The following REXO5 variants were observed in gnomAD, a reference collection of about 807,000 sequenced individuals.
REXO5 encodes RNA exonuclease 5, also known as exonuclease NEF-sp.
A neutral mutation model predicts 88.5 loss-of-function variants in REXO5; 48 were observed. The ratio of observed to expected loss-of-function variants is 0.54; its 90% CI spans 0.43 to 0.69. REXO5 has a LOEUF of 0.69. REXO5 is among the 30% of genes least tolerant of loss of function. The probability of loss-of-function intolerance (pLI) is 0.00; values close to 1 mark genes in which losing one functional copy is unlikely to be tolerated. For synonymous variants in REXO5, 311 were observed against 336.5 expected (o/e 0.92, Z 0.83); for missense variants, 749 against 912.2 (o/e 0.82, Z 2.30).
Position 20,848,705 on chromosome 16 carries a change from C to T in REXO5, c.2244-694C>T, listed in dbSNP as rs534745643. On this transcript the variant is annotated intron_variant, in intron 19 of 19. Transcript: ENST00000261377. ...GACCCAGTTCCATGAATATTCATTA[C>T]AAGGTGGCAGGGAACTAACAAGTAT... Among the ~76,000 whole-genome samples, 5 of 152,334 alleles carry T rather than the reference C, an allele frequency of 3.3e-5. No individual in the cohort carries two copies. In the South Asian group the frequency reaches 1.0e-3, roughly 32 times the overall value.
chr16:20,825,960 C>T lies in REXO5; in HGVS notation c.821+12C>T, dbSNP rs1376369121. The stretch of plus-strand genomic sequence containing the variant: ...GACTACCTCACCAGGTATTTTTCAC[C>T]TTGCCTGCAGCTCTTCTAAGAGCTA... On this transcript the variant is annotated intron_variant, in intron 8 of 19. Transcript: ENST00000261377. The T allele has an allele frequency of 6.4e-7, 1 of 1,556,834 alleles. No homozygotes were observed. Among genetic ancestry groups the T allele is most frequent in the African/African-American group, 1.4e-5 (1 of 73,942 alleles).
At chr16:20,847,238 T>C (rs1035464120) in intron 19 of REXO5, among the ~76,000 whole-genome samples, 50 of 142,438 alleles carry the variant, frequency 3.5e-4, no homozygotes, top group African/African-American at 1.3e-3. Flanking sequence ...GACAAGACCC[T>C]GTCTCTACCA....
chr16:20,847,436 C>CAAAAAAA (rs550642998), intron 19 of REXO5, among the ~76,000 whole-genome samples: 1 of 80,568 alleles, frequency 1.2e-5, no homozygotes, highest in African/African-American at 5.2e-5. Context: ...ACTCTTATCT[C>CAAAAAAA]AAAAAAAAAA....
Position 20,833,100 on chromosome 16 carries a change from A to G in REXO5, c.1360A>G (p.Ile454Val). Residue 454 changes from isoleucine (I) to valine (V), a missense_variant, in exon 13 of 20, where the codon ATT becomes GTT. Coordinates refer to ENST00000261377, the MANE Select transcript of REXO5 (RefSeq NM_030941.3). ...TCCATCTTCCAGAAATTGTCAAACT[A>G]TTAAGTGTCTTTCAAATAAAGAGGT... is the stretch of plus-strand genomic sequence containing the variant. The part of the protein sequence containing the change: ...ELPSSRNCQT[I>V]KCLSNKEVLE... 6.2e-7 allele frequency: 1 copy of G among 1,613,486 alleles called. No individual in the cohort carries two copies. Among genetic ancestry groups the G allele is most frequent in the Non-Finnish European group, 8.5e-7 (1 of 1,179,504 alleles).
rs759851294 is a variant in REXO5, at chr16:20,839,829, A to G, written c.1458A>G (p.Ser486=). The G allele has an allele frequency of 1.2e-6, 2 of 1,613,196 alleles. No individual in the cohort carries two copies. Among genetic ancestry groups the G allele is most frequent in the East Asian group, 2.2e-5 (1 of 44,852 alleles). The change falls in exon 14 of 20, where the codon TCA becomes TCG. Residue 486 remains serine (S), a synonymous_variant. Coordinates refer to ENST00000261377, the MANE Select transcript of REXO5 (RefSeq NM_030941.3). The part of the protein sequence containing the change: ...SIVQFSFKAF[S]PVLTEEMNKR... ...TTCAGTTCTCTTTTAAGGCCTTTTC[A>G]CCTGTCCTCACTGAGGAGATGAACA...
intron 13 of REXO5, among the ~76,000 whole-genome samples, chr16:20,838,783 G>A (rs2081478912): frequency 6.6e-6 from 1 of 152,144 alleles, no homozygotes; most frequent in Non-Finnish European, 1.5e-5. Context: ...CCCTCAGACA[G>A]CCCCCACAGT....
At chr16:20,848,843 A>G (rs1313609974) in intron 19 of REXO5, among the ~76,000 whole-genome samples, 4 of 152,282 alleles carry the variant, frequency 2.6e-5, no homozygotes, top group Admixed American at 2.6e-4. Context: ...CAGGTGCTAC[A>G]AAAGTATGGA....
chr16:20,815,103 G>C, intron 4 of REXO5, 50 bp downstream of exon 4: 1 of 1,578,132 alleles, frequency 6.3e-7, no homozygotes, highest in Non-Finnish European at 8.6e-7. Context: ...TTCCCATTCT[G>C]AGACTAATAC....
chr16:20,824,696 A>G (rs2081235280), intron 7 of REXO5, among the ~76,000 whole-genome samples, 169 bp downstream of exon 7: 1 of 152,164 alleles, frequency 6.6e-6, no homozygotes, highest in Admixed American at 6.5e-5. Context: ...TTAGATCTGT[A>G]TTCCAGGATA....
chr16:20,841,954 C>A (rs372650051), intron 15 of REXO5, among the ~76,000 whole-genome samples: 4 of 152,268 alleles, frequency 2.6e-5, no homozygotes, highest in African/African-American at 9.6e-5. Context: ...AAGATTGTCC[C>A]TGAGAAGATG....
chr16:20,820,349 A>G (rs2081150300), intron 5 of REXO5, among the ~76,000 whole-genome samples: 2 of 151,060 alleles, frequency 1.3e-5, no homozygotes, highest in Admixed American at 1.3e-4. Flanking sequence ...TCAGCTACTC[A>G]CTTAGGTCAT....
Position 20,814,843 on chromosome 16 carries a change from G to A in REXO5, c.252-84G>A, listed in dbSNP as rs757304. The A allele has an allele frequency of 0.011, 14,444 of 1,351,132 alleles. 616 individuals are homozygous for A. In the East Asian group the frequency reaches 0.15, roughly 14 times the overall value. 83.7% of individuals were successfully genotyped at this position (1,351,132 alleles called of 1,614,324 possible). ...AACTCTCACTCACTGCTTTTCCTGC[G>A]CCTTCTCCCCTATTTCCCCTCTATA... On this transcript the variant is annotated intron_variant, in intron 3 of 19. Transcript: ENST00000261377.
chr16:20,845,284 C>T, intron 18 of REXO5, 43 bp downstream of exon 18: 1 of 1,548,794 alleles, frequency 6.5e-7, no homozygotes, highest in Non-Finnish European at 8.8e-7. Flanking sequence ...CAGGAGAGTC[C>T]TGCTCAGTGA....
chr16:20,815,176 A>T, intron 4 of REXO5, 123 bp downstream of exon 4: 1 of 1,090,050 alleles, frequency 9.2e-7, no homozygotes. Context: ...TATAGAAAGC[A>T]AAAAGACCTT....
chr16:20,813,334 C>G (rs1567382245), intron 3 of REXO5, 32 bp downstream of exon 3: 1 of 1,107,706 alleles, frequency 9.0e-7, no homozygotes, highest in Non-Finnish European at 1.3e-6. Context: ...TGGGTATTGA[C>G]CAGCGGTTTC....
intron 15 of REXO5, among the ~76,000 whole-genome samples, chr16:20,842,112 T>TA (rs1176703526): frequency 6.6e-6 from 1 of 152,200 alleles, no homozygotes; most frequent in Non-Finnish European, 1.5e-5. Flanking sequence ...AGTATGTTGA[T>TA]ATTGTGCAGC....
Position 20,806,679 on chromosome 16 carries a change from A to T in REXO5, c.-29A>T. ...TCTTTGCCAGGCAGACGCCCGTTGT[A>T]GCCGTTGGGGAACCGTTGAGAATCC... On this transcript the variant is annotated 5_prime_UTR_variant, in exon 1 of 20. Transcript: ENST00000261377. The T allele has an allele frequency of 9.3e-7, 1 of 1,075,914 alleles. No individual in the cohort carries two copies. Among genetic ancestry groups the T allele is most frequent in the Non-Finnish European group, 1.3e-6 (1 of 774,272 alleles). The allele number at this position is 1,075,914 out of a possible 1,614,324, so 66.6% of individuals were successfully genotyped here.
intron 13 of REXO5, among the ~76,000 whole-genome samples, chr16:20,836,282 G>A (rs992313192): frequency 2.0e-5 from 3 of 152,008 alleles, no homozygotes; most frequent in African/African-American, 7.2e-5. Context: ...CTAAAAATCT[G>A]TGATGAATGT....
At chr16:20,836,871 C>T (rs958911331) in intron 13 of REXO5, among the ~76,000 whole-genome samples, 21 of 152,188 alleles carry the variant, frequency 1.4e-4, no homozygotes, top group African/African-American at 4.3e-4. Context: ...CCCCTAATGA[C>T]ATGTAATGTG....
Sources: gnomAD v4.1 joint callset for allele counts (sites outside exome capture counted in the v4.1 genomes callset) on GRCh38, gnomAD v4.1.1 for gene constraint, MANE v1.5 for transcripts, NCBI Gene and HGNC (gene_info 2026-07-23, HGNC 2026-07-21) for gene names.